SLC9B2: variants seen among roughly 807,000 people sequenced by gnomAD.
The protein encoded by SLC9B2 is sodium/hydrogen exchanger 9B2.
SLC9B2 carries 39 observed loss-of-function variants against 52.2 expected under a neutral mutation model. That is an observed-to-expected ratio of 0.75 (90% CI 0.58 to 0.98). The LOEUF (loss-of-function observed/expected upper bound fraction) is 0.98. Ranked by LOEUF, SLC9B2 falls within the 50% of genes least tolerant of loss-of-function variation. SLC9B2 has a pLI of 0.00. For synonymous variants in SLC9B2, 214 were observed against 227.0 expected (o/e 0.94, Z 0.51); for missense variants, 626 against 637.5 (o/e 0.98, Z 0.19).
rs373458793 is a variant in SLC9B2, at chr4:103,047,101, A to G, written c.839T>C (p.Ile280Thr). The G allele has an allele frequency of 2.5e-6, 4 of 1,613,942 alleles. No homozygotes were observed. In the African/African-American group the frequency reaches 5.3e-5, roughly 22 times the overall value. Residue 280 changes from isoleucine (I) to threonine (T), a missense_variant, in exon 7 of 12, where the codon ATT (isoleucine) becomes ACT (threonine). Physicochemically the swap from Ile to Thr is moderately conservative, Grantham distance 89. Coordinates refer to ENST00000394785, the MANE Select transcript of SLC9B2 (RefSeq NM_178833.7). ...LLMAAGSFDD[I>T]LAITGFNTCL... Reference sequence around the variant, plus strand: ...TGTGTTGAAGCCAGTGATGGCCAGAATGTCATCGAAGCTGCCAGCTGCCAT... The same window carrying G: ...TGTGTTGAAGCCAGTGATGGCCAGAGTGTCATCGAAGCTGCCAGCTGCCAT...
At chr4:103,026,726 T>TAC (rs1742252709) in intron 11 of SLC9B2, 135 bp from the exon 12 acceptor site, 1 of 712,024 alleles carries the variant, frequency 1.4e-6, no homozygotes, top group Non-Finnish European at 2.3e-6. Context: ...TCAGGAGATA[T>TAC]ACCTAATGCT....
At chr4:103,051,503 G>C (rs1033692431) in intron 4 of SLC9B2, among the ~76,000 whole-genome samples, 3 of 148,484 alleles carry the variant, frequency 2.0e-5, no homozygotes, top group South Asian at 2.1e-4. Flanking sequence ...GGAAAGTCTC[G>C]TAAGTTCTGA....
chr4:103,028,771 T>C lies in SLC9B2; in HGVS notation c.1368A>G (p.Ala456=). 6.2e-7 allele frequency: 1 copy of C among 1,608,208 alleles called. No individual in the cohort carries two copies. The highest frequency in any genetic ancestry group is 8.5e-7 in the Non-Finnish European group (1 of 1,178,098). The change falls in exon 11 of 12, where the codon GCA becomes GCG. Residue 456 remains alanine (A), a synonymous_variant. Transcript: ENST00000394785. ...CCTGAACTGTGGCCTTTGGAAGCCA[T>C]GCAAAAGAAATAAATATCTTTTCTT... ...NLKEKIFISF[A]WLPKATVQAA...
intron 9 of SLC9B2, among the ~76,000 whole-genome samples, chr4:103,033,131 C>T (rs2110581138): frequency 6.6e-6 from 1 of 152,204 alleles, no homozygotes; most frequent in African/African-American, 2.4e-5. Flanking sequence ...TCTAGGAAAA[C>T]AGTGACACAA....
At chr4:103,033,539 A>C (rs747199538) in intron 9 of SLC9B2, among the ~76,000 whole-genome samples, 1 of 152,206 alleles carries the variant, frequency 6.6e-6, no homozygotes, top group East Asian at 1.9e-4. Context: ...CAAGAATAGT[A>C]CAGAGATACT....
At position 103,049,124 on chromosome 4, in the gene SLC9B2, A is replaced by G. The variant is rs896654425; in HGVS notation, c.586-104T>C. On this transcript the variant is annotated intron_variant, in intron 5 of 11. Transcript: ENST00000394785. ...GTATATGGACCACGTCTGGGTCATCATGAGTTTTCAAGGTAATGAGTTGTA... is the reference window on the plus strand; with the variant it reads ...GTATATGGACCACGTCTGGGTCATCGTGAGTTTTCAAGGTAATGAGTTGTA... The G allele has an allele frequency of 1.2e-5, 16 of 1,336,186 alleles. No homozygotes were observed. The African/African-American group carries it at 2.4e-4, about 20-fold the overall frequency. The allele number at this position is 1,336,186 out of a possible 1,614,324, so 82.8% of individuals were successfully genotyped here. A position where few individuals can be genotyped will look rare whatever the true frequency, so the allele number is the denominator to read the frequency against.
downstream of SLC9B2, chr4:103,019,823 G>A (rs1234793023): frequency 2.0e-6 from 2 of 985,546 alleles, no homozygotes; most frequent in African/African-American, 3.5e-5. Context: ...GGACTGTCTG[G>A]TGTGTTTTCT....
intron 7 of SLC9B2, among the ~76,000 whole-genome samples, chr4:103,045,629 G>A (rs1744054785): frequency 6.6e-6 from 1 of 151,882 alleles, no homozygotes; most frequent in African/African-American, 2.4e-5. Flanking sequence ...GGGGGGTGGG[G>A]CGGGGAGAGG....
chr4:103,035,271 A>C (rs1238311682), intron 9 of SLC9B2, among the ~76,000 whole-genome samples: 2 of 152,170 alleles, frequency 1.3e-5, no homozygotes, highest in Non-Finnish European at 1.5e-5. Context: ...TGCTAAGGAT[A>C]ATGGCCACCC....
chr4:103,020,512 T>G, downstream of SLC9B2: 1 of 301,514 alleles, frequency 3.3e-6, no homozygotes, highest in African/African-American at 2.2e-5. Flanking sequence ...TGTATTCCTT[T>G]TTGCCTCAGT....
At chr4:103,047,372 T>A in intron 6 of SLC9B2, 146 bp from the exon 7 acceptor site, 1 of 746,768 alleles carries the variant, frequency 1.3e-6, no homozygotes, top group South Asian at 2.5e-5. Flanking sequence ...CAAACTTTAA[T>A]AAGAATTGTT....
rs1175248580 is a variant in SLC9B2 at position 103,058,198 on chromosome 4, T to C, written c.272-227A>G. Reference sequence around the variant, plus strand: ...GAATCTGCCTATGTGCCCCTCCCCATCCATCTCCCTTTATACTGCCAGAAG... The same window carrying C: ...GAATCTGCCTATGTGCCCCTCCCCACCCATCTCCCTTTATACTGCCAGAAG... On this transcript the variant is annotated intron_variant, in intron 3 of 11. Transcript: ENST00000394785. Among the ~76,000 whole-genome samples the C allele has an allele frequency of 2.0e-5, 3 of 152,176 alleles. No homozygotes were observed. In the South Asian group the frequency reaches 6.2e-4, roughly 32 times the overall value.
At chr4:103,075,824 G>C (rs910925316) in intron 1 of SLC9B2, among the ~76,000 whole-genome samples, 1 of 152,144 alleles carries the variant, frequency 6.6e-6, no homozygotes, top group African/African-American at 2.4e-5. Flanking sequence ...ACATGAACGA[G>C]AAATAAGCCT....
chr4:103,043,204 T>C, intron 9 of SLC9B2, 92 bp downstream of exon 9: 1 of 1,307,402 alleles, frequency 7.6e-7, no homozygotes, highest in Non-Finnish European at 1.0e-6. Context: ...AATGAAATAC[T>C]TTATTAATTT....
rs773028475 is a variant in SLC9B2 at position 103,023,507 on chromosome 4, G to A, written c.*2863C>T. On this transcript the variant is annotated 3_prime_UTR_variant, in exon 12 of 12. Transcript: ENST00000394785. ...GGTGACAAACCCCGGCCTTCACATG[G>A]TGAGCCCTGCTGAATGGTCAGCCTC... 6.6e-5 allele frequency among the ~76,000 whole-genome samples: 10 copies of A among 152,306 alleles called. No individual in the cohort carries two copies. The highest frequency in any genetic ancestry group is 2.6e-4 in the Admixed American group (4 of 15,292).
At chr4:103,048,331 A>C (rs1206537458) in intron 6 of SLC9B2, among the ~76,000 whole-genome samples, 1 of 152,214 alleles carries the variant, frequency 6.6e-6, no homozygotes, top group East Asian at 1.9e-4. Context: ...AAGATCACAC[A>C]CCGGAAAAAT....
chr4:103,059,335 T>C (rs1361515486), intron 3 of SLC9B2, among the ~76,000 whole-genome samples: 2 of 152,206 alleles, frequency 1.3e-5, no homozygotes, highest in African/African-American at 4.8e-5. Context: ...TTGAGGGTAT[T>C]TTCTTTAAAC....
downstream of SLC9B2, among the ~76,000 whole-genome samples, chr4:103,018,186 G>A (rs979620582): frequency 1.3e-5 from 2 of 152,134 alleles, no homozygotes; most frequent in African/African-American, 4.8e-5. Flanking sequence ...AAAATGAGAA[G>A]TACTATAAAA....
At chr4:103,057,369 G>C (rs1228016011) in intron 4 of SLC9B2, among the ~76,000 whole-genome samples, 1 of 151,410 alleles carries the variant, frequency 6.6e-6, no homozygotes, top group Non-Finnish European at 1.5e-5. Flanking sequence ...GGAGTGTAAT[G>C]GTGCAATCAT....
Sources: allele counts gnomAD v4.1 joint callset (sites outside exome capture counted in the v4.1 genomes callset), GRCh38; gene constraint gnomAD v4.1.1; transcripts MANE v1.5; gene names NCBI Gene and HGNC (gene_info 2026-07-23, HGNC 2026-07-21).